Variants in BBS7 observed in about 807,000 individuals in gnomAD.
BBS7 encodes the protein Bardet-Biedl syndrome 7.
Under a neutral mutation model 90.3 loss-of-function variants are expected in BBS7, and 50 were observed. The observed-to-expected ratio is 0.55, with a 90% CI of 0.44 to 0.70. The LOEUF (loss-of-function observed/expected upper bound fraction) is 0.70, where lower values mean the gene tolerates loss of function less well. Among genes scored for constraint, BBS7 ranks in the 30% least tolerant of loss-of-function variants. BBS7 has a pLI of 0.00. For missense variants in BBS7, 729 were observed against 838.9 expected (o/e 0.87, Z 1.62); for synonymous variants, 235 against 287.4 (o/e 0.82, Z 1.85).
At chr4:121,845,465 A>C in intron 11 of BBS7, 39 bp downstream of exon 11, 8 of 1,511,202 alleles carry the variant, frequency 5.3e-6, no homozygotes, top group Admixed American at 1.7e-5. Context: ...TGCAAAATAG[A>C]TCCAGTCATA....
intron 1 of BBS7, 82 bp downstream of exon 1, chr4:121,870,196 G>T: frequency 6.3e-7 from 1 of 1,583,282 alleles, no homozygotes; most frequent in Non-Finnish European, 8.7e-7. Flanking sequence ...TGGCGACCGA[G>T]ACTTTCGTCA....
chr4:121,832,007 AAAACACAC>A (rs1725206742), intron 15 of BBS7, among the ~76,000 whole-genome samples: 1 of 81,088 alleles, frequency 1.2e-5, no homozygotes, highest in African/African-American at 9.9e-5. Flanking sequence ...AAAAAAAACA[AAAACACAC>A]ACACACACAC....
intron 5 of BBS7, among the ~76,000 whole-genome samples, chr4:121,857,406 G>A (rs189977786): frequency 3.9e-5 from 6 of 152,124 alleles, no homozygotes; most frequent in South Asian, 2.1e-4. Flanking sequence ...GGCCTGAGCC[G>A]CTGTGCCCAG....
intron 2 of BBS7, 65 bp from the exon 3 acceptor site, chr4:121,863,344 A>C: frequency 2.2e-6 from 3 of 1,334,840 alleles, no homozygotes; most frequent in Non-Finnish European, 3.2e-6. Context: ...AATTATATAC[A>C]GGGAAAGCAA....
chr4:121,836,216 A>G (rs1326255708), intron 13 of BBS7, among the ~76,000 whole-genome samples: 1 of 152,136 alleles, frequency 6.6e-6, no homozygotes, highest in African/African-American at 2.4e-5. Context: ...AATTTAAGAG[A>G]AGGACCTAGT....
chr4:121,833,697 A>C (rs1234096762), intron 14 of BBS7, among the ~76,000 whole-genome samples: 1 of 152,058 alleles, frequency 6.6e-6, no homozygotes, highest in Non-Finnish European at 1.5e-5. Flanking sequence ...TCATTTTTAA[A>C]AAGTTTATTT....
intron 15 of BBS7, among the ~76,000 whole-genome samples, 167 bp from the exon 16 acceptor site, chr4:121,828,895 G>A (rs1446478710): frequency 6.6e-6 from 1 of 152,056 alleles, no homozygotes; most frequent in Non-Finnish European, 1.5e-5. Context: ...ATCCTTTACT[G>A]TTATATTAAT....
chr4:121,855,332 C>A lies in BBS7; in HGVS notation c.601+157G>T, dbSNP rs115542847. The A allele has an allele frequency of 2.3e-5, 16 of 692,188 alleles. No individual in the cohort carries two copies. The African/African-American group carries it at 2.3e-4, about 10-fold the overall frequency. The allele number at this position is 692,188 out of a possible 1,614,324, so 42.9% of individuals were successfully genotyped here. ...CCCAGCCCCCCAAAAAAGAAAAAAA[C>A]GGAGAATTAAAAGTTCAATAACTCG... On this transcript the variant is annotated intron_variant, in intron 6 of 18. Transcript: ENST00000264499.
At chr4:121,831,211 G>T (rs945086971) in intron 15 of BBS7, among the ~76,000 whole-genome samples, 2 of 151,500 alleles carry the variant, frequency 1.3e-5, no homozygotes, top group Admixed American at 1.3e-4. Flanking sequence ...CTCAAAAAAA[G>T]AATAAAATAA....
Position 121,825,659 on chromosome 4 carries a change from T to TA in BBS7, c.*200dup. ...AATCATTCTACTTGTGTTTTAAAAA[T>TA]AAAAAGACTCTTTTAGTTTTAGAAA... is the stretch of plus-strand genomic sequence containing the variant. On this transcript the variant is annotated 3_prime_UTR_variant, in exon 19 of 19. Transcript: ENST00000264499. 3 of 478,964 alleles carry TA rather than the reference T, an allele frequency of 6.3e-6. No homozygotes were observed. 29.7% of individuals were successfully genotyped at this position (478,964 alleles called of 1,614,324 possible). A position where few individuals can be genotyped will look rare whatever the true frequency, so the allele number is the denominator to read the frequency against.
intron 13 of BBS7, among the ~76,000 whole-genome samples, chr4:121,836,400 G>A (rs1426977758): frequency 6.6e-6 from 1 of 152,088 alleles, no homozygotes; most frequent in Non-Finnish European, 1.5e-5. Flanking sequence ...TCAGACAGGT[G>A]TGTTTCTTTT....
In BBS7 at chr4:121,828,225, T is replaced by G; in HGVS notation, c.1935A>C (p.Glu645Asp). The change falls in exon 18 of 19, where the codon GAA (glutamate) becomes GAC (aspartate). Residue 645 changes from glutamate to aspartate, a missense_variant. Physicochemically the swap from Glu to Asp is conservative, Grantham distance 45. Coordinates refer to ENST00000264499, the MANE Select transcript of BBS7 (RefSeq NM_176824.3). Reference protein sequence around the residue: ...HEGNTNFLIPEYHCILEEADH... With the variant: ...HEGNTNFLIPDYHCILEEADH... Reference sequence around the variant, plus strand: ...CTGCCTCTTCTAGAATACAGTGATATTCTGGTATCAGAAAGTTCGTATTTC... The same window carrying G: ...CTGCCTCTTCTAGAATACAGTGATAGTCTGGTATCAGAAAGTTCGTATTTC... 1 of 1,613,864 alleles carries G rather than the reference T, an allele frequency of 6.2e-7. No homozygotes were observed. Among genetic ancestry groups the G allele is most frequent in the Non-Finnish European group, 8.5e-7 (1 of 1,179,846 alleles).
intron 18 of BBS7, chr4:121,827,806 G>A: frequency 1.0e-6 from 1 of 970,258 alleles, no homozygotes; most frequent in Non-Finnish European, 1.2e-6. Context: ...AACAAAACAT[G>A]ACAATTATTT....
Position 121,847,255 on chromosome 4 carries a change from G to C in BBS7, c.1037+149C>G, listed in dbSNP as rs56300111. Reference sequence around the variant, plus strand: ...AATCAGCACTTACGCTAATTTTCTCGAAACTGTAAACTTCCATTTTAAAAG... The same window carrying C: ...AATCAGCACTTACGCTAATTTTCTCCAAACTGTAAACTTCCATTTTAAAAG... On this transcript the variant is annotated intron_variant, in intron 10 of 18. Coordinates refer to ENST00000264499, the MANE Select transcript of BBS7 (RefSeq NM_176824.3). 3.7e-5 allele frequency: 23 copies of C among 616,788 alleles called. No individual in the cohort carries two copies. The East Asian group carries it at 6.2e-4, about 17-fold the overall frequency. The allele number at this position is 616,788 out of a possible 1,614,324, so 38.2% of individuals were successfully genotyped here. A position where few individuals can be genotyped will look rare whatever the true frequency, so the allele number is the denominator to read the frequency against.
In BBS7 at chr4:121,841,381, G is replaced by GC. The variant is rs570883964; in HGVS notation, c.1306-1686dup. On this transcript the variant is annotated intron_variant, in intron 12 of 18. Transcript: ENST00000264499. Reference sequence around the variant, plus strand: ...AGACCAGCCTGGGCAACAAAGTGAGGCCCCATTTCTACAAAAAATAAAAAA... The same window carrying GC: ...AGACCAGCCTGGGCAACAAAGTGAGGCCCCCATTTCTACAAAAAATAAAAAA... 3.1e-3 allele frequency among the ~76,000 whole-genome samples: 477 copies of GC among 151,842 alleles called. 3 individuals are homozygous for GC. The highest frequency in any genetic ancestry group is 0.011 in the African/African-American group (451 of 41,398).
At chr4:121,846,439 T>C (rs1726015014) in intron 10 of BBS7, among the ~76,000 whole-genome samples, 1 of 152,192 alleles carries the variant, frequency 6.6e-6, no homozygotes, top group African/African-American at 2.4e-5. Context: ...AAGAAATATT[T>C]ACTGCTAAAT....
chr4:121,839,991 C>A (rs575912930), intron 12 of BBS7, among the ~76,000 whole-genome samples: 6 of 152,254 alleles, frequency 3.9e-5, no homozygotes, highest in Non-Finnish European at 7.4e-5. Flanking sequence ...TGAGTTTTTA[C>A]AATAACATTT....
intron 7 of BBS7, 113 bp from the exon 8 acceptor site, chr4:121,853,199 A>C: frequency 9.3e-7 from 1 of 1,072,246 alleles, no homozygotes; most frequent in Non-Finnish European, 1.4e-6. Flanking sequence ...TGAGCAAAAA[A>C]ACTTTGACCA....
intron 8 of BBS7, among the ~76,000 whole-genome samples, chr4:121,851,981 T>C (rs530701558): frequency 6.6e-6 from 1 of 152,292 alleles, no homozygotes; most frequent in South Asian, 2.1e-4. Context: ...AATAGGAAAG[T>C]TTCTCAAAGG....
Sources: gnomAD v4.1 joint callset for allele counts (sites outside exome capture counted in the v4.1 genomes callset) on GRCh38, gnomAD v4.1.1 for gene constraint, MANE v1.5 for transcripts, NCBI Gene and HGNC (gene_info 2026-07-23, HGNC 2026-07-21) for gene names.